DAB1: variants seen among roughly 807,000 people sequenced by gnomAD.
The protein encoded by DAB1 is disabled homolog 1.
A neutral mutation model predicts 64.6 loss-of-function variants in DAB1; 15 were observed. That is an observed-to-expected ratio of 0.23 (90% CI 0.16 to 0.36). The LOEUF (loss-of-function observed/expected upper bound fraction) is 0.36. DAB1 is among the 10% of genes least tolerant of loss of function. The pLI is 1.00. For missense variants in DAB1, 596 were observed against 706.7 expected (o/e 0.84, Z 1.78); for synonymous variants, 235 against 251.9 (o/e 0.93, Z 0.64).
At chr1:57,052,196 T>A (rs1649261646) in intron 9 of DAB1, among the ~76,000 whole-genome samples, 1 of 152,168 alleles carries the variant, frequency 6.6e-6, no homozygotes, top group Admixed American at 6.5e-5. Context: ...ATACAGCAGA[T>A]GCTCAATAAA....
At chr1:58,104,368 C>T (rs1005164490) in intron 5 of DAB1, among the ~76,000 whole-genome samples, 68 of 152,164 alleles carry the variant, frequency 4.5e-4, no homozygotes, top group Admixed American at 3.3e-4. Context: ...GAGAGAAAAG[C>T]GGTGCTGTTC....
At chr1:58,364,592 A>C (rs1223253541) in intron 3 of DAB1, among the ~76,000 whole-genome samples, 1 of 152,212 alleles carries the variant, frequency 6.6e-6, no homozygotes, top group African/African-American at 2.4e-5. Context: ...GAACTTAGTC[A>C]CAGTTACTCC....
intron 5 of DAB1, among the ~76,000 whole-genome samples, chr1:58,068,175 C>T (rs1027001476): frequency 1.3e-5 from 2 of 152,144 alleles, no homozygotes. Flanking sequence ...CCAGACAAAA[C>T]AGGAAGTATC....
intron 1 of DAB1, among the ~76,000 whole-genome samples, chr1:57,840,058 T>A (rs1652980286): frequency 6.6e-6 from 1 of 152,220 alleles, no homozygotes; most frequent in Non-Finnish European, 1.5e-5. Flanking sequence ...TTATTCAAAA[T>A]TCTGCCTCCA....
At chr1:58,090,427 T>C (rs1027350472) in intron 5 of DAB1, among the ~76,000 whole-genome samples, 8 of 152,328 alleles carry the variant, frequency 5.3e-5, no homozygotes, top group East Asian at 1.9e-4. Context: ...GGTACTACTA[T>C]GTAAACTTTT....
chr1:57,257,567 A>C (rs1669859842), intron 2 of DAB1, among the ~76,000 whole-genome samples: 1 of 152,178 alleles, frequency 6.6e-6, no homozygotes, highest in Admixed American at 6.6e-5. Context: ...TCTTTTATTG[A>C]CAGGTCATTT....
At chr1:58,471,780 G>A (rs1174206025) in intron 3 of DAB1, among the ~76,000 whole-genome samples, 1 of 152,188 alleles carries the variant, frequency 6.6e-6, no homozygotes, top group Non-Finnish European at 1.5e-5. Context: ...TGCCATCTGA[G>A]GTGCTTTGCT....
chr1:58,000,351 G>A (rs1314227021), intron 5 of DAB1, among the ~76,000 whole-genome samples: 1 of 152,180 alleles, frequency 6.6e-6, no homozygotes, highest in African/African-American at 2.4e-5. Context: ...TTACCAGACT[G>A]TAACAGCCGA....
intron 1 of DAB1, among the ~76,000 whole-genome samples, chr1:57,865,496 G>T (rs1409542958): frequency 6.6e-6 from 1 of 152,020 alleles, no homozygotes; most frequent in African/African-American, 2.4e-5. Context: ...TGCCATTCTT[G>T]GTGTCAATAC....
rs1345926626 is a variant in DAB1 at position 57,015,348 on chromosome 1, G to A, written c.979C>T (p.Pro327Ser). The change falls in exon 12 of 15, where the codon CCA (proline) becomes TCA (serine). Residue 327 changes from proline (P) to serine (S), a missense_variant. This residue lies in a region of DAB1 where 377 missense variants were observed against 400.4 expected (regional missense o/e 0.94). Coordinates refer to ENST00000371236, the MANE Select transcript of DAB1 (RefSeq NM_001365792.1). ...VQQQMVMGAQ[P>S]PVAQVMPGAQ... ...CCCGGCATCACCTGAGCGACTGGTG[G>A]CTGGGCACCCATGACCATCTGCTGT... The A allele has an allele frequency of 2.5e-6, 4 of 1,613,944 alleles. No individual in the cohort carries two copies. Among genetic ancestry groups the A allele is most frequent in the Non-Finnish European group, 2.5e-6 (3 of 1,180,024 alleles).
At chr1:58,265,605 A>G (rs1661140934) in intron 4 of DAB1, among the ~76,000 whole-genome samples, 1 of 152,390 alleles carries the variant, frequency 6.6e-6, no homozygotes, top group East Asian at 1.9e-4. Context: ...AAGAATATTA[A>G]TCAATTCTGT....
intron 7 of DAB1, among the ~76,000 whole-genome samples, chr1:57,505,313 A>G (rs1644331790): frequency 6.6e-6 from 1 of 152,180 alleles, no homozygotes; most frequent in Non-Finnish European, 1.5e-5. Flanking sequence ...AGCTAATTTA[A>G]TTTTCACAGC....
At chr1:57,992,478 C>T (rs1557600252) in intron 5 of DAB1, among the ~76,000 whole-genome samples, 2 of 152,066 alleles carry the variant, frequency 1.3e-5, no homozygotes, top group African/African-American at 4.8e-5. Flanking sequence ...TTCCACTACC[C>T]AGGAGTAAGA....
At chr1:58,297,187 T>G (rs977650308) in intron 4 of DAB1, among the ~76,000 whole-genome samples, 5 of 152,130 alleles carry the variant, frequency 3.3e-5, no homozygotes, top group Non-Finnish European at 5.9e-5. Flanking sequence ...TCACTTATAT[T>G]TAAGTGAAAT....
chr1:57,483,785 G>A (rs1266261749), intron 7 of DAB1, among the ~76,000 whole-genome samples: 5 of 152,048 alleles, frequency 3.3e-5, no homozygotes, highest in East Asian at 1.9e-4. Context: ...TGAAGACACC[G>A]ATGGTGATTT....
intron 2 of DAB1, among the ~76,000 whole-genome samples, chr1:57,278,973 G>A (rs1671684778): frequency 6.6e-6 from 1 of 152,200 alleles, no homozygotes; most frequent in Non-Finnish European, 1.5e-5. Context: ...AGCAATTGCT[G>A]ACAGATAGTA....
intron 7 of DAB1, among the ~76,000 whole-genome samples, chr1:57,643,557 A>G: frequency 6.6e-6 from 1 of 152,190 alleles, no homozygotes; most frequent in Middle Eastern, 3.2e-3. Context: ...TTTGATATAT[A>G]AGGACTTTTT....
chr1:57,881,306 G>A (rs1332897256), intron 1 of DAB1, among the ~76,000 whole-genome samples: 2 of 152,126 alleles, frequency 1.3e-5, no homozygotes, highest in African/African-American at 2.4e-5. Flanking sequence ...TTCTCTGTCT[G>A]TAGAATAATG....
intron 1 of DAB1, among the ~76,000 whole-genome samples, chr1:57,329,053 T>G (rs949418529): frequency 1.3e-5 from 2 of 152,214 alleles, no homozygotes; most frequent in Non-Finnish European, 2.9e-5. Context: ...AGAAAATACC[T>G]GTCATTCCCA....
Sources: allele counts gnomAD v4.1 joint callset (sites outside exome capture counted in the v4.1 genomes callset), GRCh38; gene constraint gnomAD v4.1.1; regional missense constraint gnomAD v4.1.1; transcripts MANE v1.5; gene names NCBI Gene and HGNC (gene_info 2026-07-23, HGNC 2026-07-21).